Variants in ATF7 observed in about 807,000 individuals in gnomAD.
The protein encoded by ATF7 is cyclic AMP-dependent transcription factor ATF-7.
In ATF7, 10 loss-of-function variants were observed where a neutral mutation model predicts 50.4. That is an observed-to-expected ratio of 0.20 (90% CI 0.12 to 0.34). The LOEUF (loss-of-function observed/expected upper bound fraction) is 0.34, where lower values mean the gene tolerates loss of function less well. Ranked by LOEUF, ATF7 falls within the 10% of genes least tolerant of loss-of-function variation. The pLI is 1.00. For missense variants in ATF7, 465 were observed against 613.9 expected (o/e 0.76, Z 2.56); for synonymous variants, 201 against 226.4 (o/e 0.89, Z 1.01).
rs1175309019 is a variant in ATF7, at chr12:53,626,267, A to T, written c.-22+12T>A. The T allele has an allele frequency of 1.3e-5, 2 of 152,908 alleles. No individual in the cohort carries two copies. Among genetic ancestry groups the T allele is most frequent in the South Asian group, 2.1e-4 (1 of 4,840 alleles). The allele number at this position is 152,908 out of a possible 1,614,324, so 9.5% of individuals were successfully genotyped here. A position where few individuals can be genotyped will look rare whatever the true frequency, so the allele number is the denominator to read the frequency against. On this transcript the variant is annotated intron_variant, in intron 1 of 11. Coordinates refer to ENST00000420353, the MANE Select transcript of ATF7 (RefSeq NM_006856.3). ...GTCAGATCATGGACTAGCTAATGTT[A>T]AAAGGACTTACCGGCTGGTAGCTCC...
chr12:53,615,863 G>C (rs1944097567), intron 1 of ATF7, among the ~76,000 whole-genome samples: 1 of 152,106 alleles, frequency 6.6e-6, no homozygotes, highest in Admixed American at 6.6e-5. Context: ...ATTCCAGCCT[G>C]GGTGACAAAC....
chr12:53,517,207 C>G lies in ATF7; in HGVS notation c.1382G>C (p.Arg461Thr). The G allele has an allele frequency of 6.2e-7, 1 of 1,614,040 alleles. No homozygotes were observed. ...TSVLTQMASQ[R>T]TELSMPIQSH... Reference sequence around the variant, plus strand: ...TTGTATCGGCATGCTCAGTTCTGTCCTTTGGCTGGCCATCTGAGTGAGGAC... The same window carrying G: ...TTGTATCGGCATGCTCAGTTCTGTCGTTTGGCTGGCCATCTGAGTGAGGAC... Residue 461 changes from arginine to threonine, a missense_variant, in exon 12 of 12, where the codon AGG becomes ACG. By Grantham distance (71) the Arg-to-Thr change is moderately conservative. Transcript: ENST00000420353.
Position 53,524,839 on chromosome 12 carries a change from T to C in ATF7, c.928-78A>G. The C allele has an allele frequency of 3.9e-6, 5 of 1,288,594 alleles. No homozygotes were observed. The South Asian group carries it at 7.6e-5, about 20-fold the overall frequency. 79.8% of individuals were successfully genotyped at this position (1,288,594 alleles called of 1,614,324 possible). A position where few individuals can be genotyped will look rare whatever the true frequency, so the allele number is the denominator to read the frequency against. On this transcript the variant is annotated intron_variant, in intron 9 of 11. Transcript: ENST00000420353. The surrounding 1 kb of genome is among the most constrained non-coding windows in gnomAD (Gnocchi z 4.6). ...AAATCACACCTGATGTTAGGTAGAG[T>C]AGTAAGATCTGGTAAAAGGATATAC... is the stretch of plus-strand genomic sequence containing the variant.
intron 9 of ATF7, among the ~76,000 whole-genome samples, chr12:53,529,848 C>T (rs981616651): frequency 6.6e-6 from 1 of 150,696 alleles, no homozygotes; most frequent in Non-Finnish European, 1.5e-5. Context: ...TCAAGCAATT[C>T]TTCTGCCTCG....
At chr12:53,609,973 C>T (rs139784372) in intron 1 of ATF7, among the ~76,000 whole-genome samples, 1,621 of 151,782 alleles carry the variant, frequency 0.011, 74 homozygotes, top group Admixed American at 0.072. Context: ...CGCACCACCA[C>T]GCCCGGCTAA....
At chr12:53,570,028 T>C (rs991190141) in intron 2 of ATF7, among the ~76,000 whole-genome samples, 4 of 152,322 alleles carry the variant, frequency 2.6e-5, no homozygotes, top group African/African-American at 9.6e-5. Flanking sequence ...GAAGGTCTGA[T>C]TGAATTGAGA....
intron 1 of ATF7, among the ~76,000 whole-genome samples, chr12:53,619,386 G>T (rs1944279883): frequency 6.6e-6 from 1 of 151,464 alleles, no homozygotes; most frequent in Non-Finnish European, 1.5e-5. Flanking sequence ...TACTTGGGAG[G>T]CTGAGGGGGA....
At chr12:53,599,232 G>T (rs953776277) in intron 2 of ATF7, among the ~76,000 whole-genome samples, 6 of 151,644 alleles carry the variant, frequency 4.0e-5, no homozygotes, top group African/African-American at 1.2e-4. Flanking sequence ...TAAAGACAGG[G>T]TCTCACTATA....
At chr12:53,602,400 G>C (rs1330327623) in intron 1 of ATF7, among the ~76,000 whole-genome samples, 1 of 152,118 alleles carries the variant, frequency 6.6e-6, no homozygotes, top group Non-Finnish European at 1.5e-5. Flanking sequence ...AAACTCAGAG[G>C]GTAGCTAGGT....
intron 4 of ATF7, among the ~76,000 whole-genome samples, chr12:53,538,541 A>C (rs1203556596): frequency 1.3e-5 from 2 of 152,202 alleles, no homozygotes; most frequent in East Asian, 3.8e-4. Context: ...GCAGTGATGC[A>C]ATCACCTCAC....
intron 9 of ATF7, among the ~76,000 whole-genome samples, chr12:53,529,734 C>CAT (rs71444809): frequency 7.0e-5 from 10 of 143,552 alleles, no homozygotes; most frequent in African/African-American, 1.9e-4. Context: ...CACACACACA[C>CAT]ATATATATAT....
At chr12:53,568,244 G>A (rs1941556826) in intron 2 of ATF7, among the ~76,000 whole-genome samples, 2 of 152,116 alleles carry the variant, frequency 1.3e-5, no homozygotes, top group African/African-American at 4.8e-5. Flanking sequence ...GATCTTTAAG[G>A]CCTTATGCAG....
chr12:53,610,325 G>C (rs2435408), intron 1 of ATF7, among the ~76,000 whole-genome samples: 56,962 of 151,460 alleles, frequency 0.38, 13,421 homozygotes, highest in Non-Finnish European at 0.53. Context: ...AGCACTTTGG[G>C]ACGACGAGGC....
At chr12:53,611,776 TAGAG>T (rs1030574410) in intron 1 of ATF7, among the ~76,000 whole-genome samples, 4 of 152,022 alleles carry the variant, frequency 2.6e-5, no homozygotes, top group African/African-American at 9.7e-5. Flanking sequence ...CAATTTTTAG[TAGAG>T]ACAGGTTTTC....
intron 10 of ATF7, among the ~76,000 whole-genome samples, chr12:53,523,623 A>G (rs1938253537): frequency 6.6e-6 from 1 of 152,220 alleles, no homozygotes; most frequent in South Asian, 2.1e-4. Context: ...CTCCTGTTTA[A>G]GATAAATATG....
In ATF7 at chr12:53,526,632, C is replaced by T. The variant is rs191189325; in HGVS notation, c.928-1871G>A. Among the ~76,000 whole-genome samples the T allele has an allele frequency of 1.4e-3, 208 of 152,150 alleles. 2 individuals are homozygous for T. The East Asian group carries it at 0.028, about 20-fold the overall frequency. ...TTGGGAGGCCGAGGCAGGTGGATCACCTGAGGTCAGGAGTTCGAGACCAGC... is the reference window on the plus strand; with the variant it reads ...TTGGGAGGCCGAGGCAGGTGGATCATCTGAGGTCAGGAGTTCGAGACCAGC... On this transcript the variant is annotated intron_variant, in intron 9 of 11. Coordinates refer to ENST00000420353, the MANE Select transcript of ATF7 (RefSeq NM_006856.3).
At chr12:53,548,337 TCTTTA>T (rs1360850981) in intron 3 of ATF7, among the ~76,000 whole-genome samples, 5 of 152,070 alleles carry the variant, frequency 3.3e-5, no homozygotes. Context: ...TTTTCTTCTT[TCTTTA>T]TTCTTTTTTA....
chr12:53,603,747 C>T (rs1315393545), intron 1 of ATF7, among the ~76,000 whole-genome samples: 2 of 151,800 alleles, frequency 1.3e-5, no homozygotes, highest in South Asian at 2.1e-4. Flanking sequence ...ACAGCTAACA[C>T]CTTTTTTAAA....
intron 2 of ATF7, among the ~76,000 whole-genome samples, chr12:53,571,659 C>T (rs1030121918): frequency 6.7e-6 from 1 of 149,762 alleles, no homozygotes. Context: ...AAAAAGGGAG[C>T]AGGGAGACAA....
Sources: gnomAD v4.1 joint callset for allele counts (sites outside exome capture counted in the v4.1 genomes callset) on GRCh38, gnomAD v4.1.1 for gene constraint, Gnocchi (gnomAD v3.1) non-coding constraint, MANE v1.5 for transcripts, NCBI Gene and HGNC (gene_info 2026-07-23, HGNC 2026-07-21) for gene names.